ZNF831: variants seen among roughly 807,000 people sequenced by gnomAD.
ZNF831 encodes zinc finger protein 831.
ZNF831 carries 59 observed loss-of-function variants against 95.8 expected under a neutral mutation model. That is an observed-to-expected ratio of 0.62 (90% CI 0.50 to 0.77). The LOEUF (loss-of-function observed/expected upper bound fraction) is 0.77, where lower values mean the gene tolerates loss of function less well. Among genes scored for constraint, ZNF831 ranks in the 30% least tolerant of loss-of-function variants. The pLI is 0.00. For synonymous variants in ZNF831, 961 were observed against 925.5 expected (o/e 1.04, Z -0.70); for missense variants, 2,205 against 2,164.0 (o/e 1.02, Z -0.38).
intron 3 of ZNF831, 29 bp downstream of exon 3, chr20:59,196,034 C>G (rs1203724029): frequency 1.9e-6 from 3 of 1,607,588 alleles, no homozygotes; most frequent in African/African-American, 2.7e-5. Context: ...TCTGTCATTT[C>G]CACAAAACCC....
rs73135120 is a variant in ZNF831, at chr20:59,217,358, C to T, written c.4027+10302C>T. On this transcript the variant is annotated intron_variant, in intron 4 of 5. Coordinates refer to ENST00000371030, the MANE Select transcript of ZNF831 (RefSeq NM_178457.3). The surrounding 1 kb of genome is among the most constrained non-coding windows in gnomAD (Gnocchi z 4.4). Reference sequence around the variant, plus strand: ...ATACTCTTATTTATGAAGCCATTCTCCTATTAACGAAGAGTTTGGTCATCA... The same window carrying T: ...ATACTCTTATTTATGAAGCCATTCTTCTATTAACGAAGAGTTTGGTCATCA... Among the ~76,000 whole-genome samples, 1,258 of 152,348 alleles carry T rather than the reference C, an allele frequency of 8.3e-3. 7 individuals are homozygous for T. The highest frequency in any genetic ancestry group is 0.01 in the Non-Finnish European group (707 of 68,032).
intron 3 of ZNF831, among the ~76,000 whole-genome samples, chr20:59,204,863 G>C (rs896522975): frequency 2.6e-5 from 4 of 152,160 alleles, no homozygotes; most frequent in South Asian, 4.1e-4. Context: ...TGCTTCTCCA[G>C]GAGGGGCTGC....
At chr20:59,171,203 G>A (rs1281807023) in intron 1 of ZNF831, among the ~76,000 whole-genome samples, 2 of 152,166 alleles carry the variant, frequency 1.3e-5, no homozygotes, top group African/African-American at 2.4e-5. Context: ...TGGCCCTCTC[G>A]TGGGCCCCTC....
intron 1 of ZNF831, 123 bp from the exon 2 acceptor site, chr20:59,190,861 A>G (rs1983439822): frequency 1.2e-6 from 1 of 801,032 alleles, no homozygotes; most frequent in Non-Finnish European, 1.7e-6. Flanking sequence ...GGATGAGAGT[A>G]CATTCCTTAG....
intron 4 of ZNF831, among the ~76,000 whole-genome samples, chr20:59,251,254 C>A (rs1419968920): frequency 6.6e-6 from 1 of 152,130 alleles, no homozygotes; most frequent in East Asian, 1.9e-4. Flanking sequence ...AGTGCCCAGC[C>A]AATGAATGAA....
intron 2 of ZNF831, among the ~76,000 whole-genome samples, chr20:59,195,369 T>C (rs947639316): frequency 2.6e-5 from 4 of 152,202 alleles, no homozygotes; most frequent in African/African-American, 9.6e-5. Flanking sequence ...TGGAGTGGCT[T>C]GGGCCGCGGC....
At position 59,256,108 on chromosome 20, in the gene ZNF831, C is replaced by T. The variant is rs770739971; in HGVS notation, c.*1365C>T. ...CTTTGATGTAATGATGTTCATATGACATCTTGTACTTCAGAGACACAGCAG... is the reference window on the plus strand; with the variant it reads ...CTTTGATGTAATGATGTTCATATGATATCTTGTACTTCAGAGACACAGCAG... On this transcript the variant is annotated 3_prime_UTR_variant, in exon 6 of 6. Coordinates refer to ENST00000371030, the MANE Select transcript of ZNF831 (RefSeq NM_178457.3). 4.6e-5 allele frequency: 7 copies of T among 152,186 alleles called. No homozygotes were observed. The highest frequency in any genetic ancestry group is 7.3e-5 in the Non-Finnish European group (5 of 68,034). The allele number at this position is 152,186 out of a possible 1,614,324, so 9.4% of individuals were successfully genotyped here.
At chr20:59,154,722 C>A (rs1160294798) in intron 2 of ZNF831, among the ~76,000 whole-genome samples, 1 of 152,258 alleles carries the variant, frequency 6.6e-6, no homozygotes, top group African/African-American at 2.4e-5. Context: ...CATGAGCCTT[C>A]TGCTGGTTTC....
At chr20:59,129,073 A>G (rs952593199) in intron 1 of ZNF831, among the ~76,000 whole-genome samples, 5 of 152,186 alleles carry the variant, frequency 3.3e-5, no homozygotes, top group Non-Finnish European at 7.3e-5. Flanking sequence ...CTATTTTGAA[A>G]TAATTTTAGA....
At position 59,253,038 on chromosome 20, in the gene ZNF831, A is replaced by G. The variant is rs1182659947; in HGVS notation, c.4088A>G (p.Lys1363Arg). The change falls in exon 5 of 6, where the codon AAG becomes AGG. Residue 1363 changes from lysine (K) to arginine (R), a missense_variant. Physicochemically the swap from Lys to Arg is conservative, Grantham distance 26. Transcript: ENST00000371030. The part of the protein sequence containing the change: ...ATSESPPCCG[K>R]EEKKEGDCRQ... ...TCAGAATCACCTCCTTGTTGTGGGAAGGAAGAGAAGAAGGAAGGTGACTGC... is the reference window on the plus strand; with the variant it reads ...TCAGAATCACCTCCTTGTTGTGGGAGGGAAGAGAAGAAGGAAGGTGACTGC... 1 of 1,614,046 alleles carries G rather than the reference A, an allele frequency of 6.2e-7. No homozygotes were observed. The highest frequency in any genetic ancestry group is 8.5e-7 in the Non-Finnish European group (1 of 1,180,006).
intron 1 of ZNF831, among the ~76,000 whole-genome samples, chr20:59,126,690 G>A (rs375563370): frequency 1.1e-4 from 16 of 152,188 alleles, no homozygotes; most frequent in African/African-American, 3.6e-4. Flanking sequence ...CTGAGGCCAC[G>A]CACTCATAGT....
At chr20:59,209,813 G>A (rs1178446886) in intron 4 of ZNF831, among the ~76,000 whole-genome samples, 2 of 152,178 alleles carry the variant, frequency 1.3e-5, no homozygotes, top group Non-Finnish European at 1.5e-5. Context: ...TACGTCTTGT[G>A]GCCTCTGCCT....
chr20:59,163,756 T>C (rs1370797066), upstream of ZNF831, among the ~76,000 whole-genome samples: 1 of 151,880 alleles, frequency 6.6e-6, no homozygotes, highest in Non-Finnish European at 1.5e-5. Flanking sequence ...CTTCCTGTTT[T>C]CTAAGGGTTG....
chr20:59,237,162 G>T (rs1170267529), intron 4 of ZNF831, among the ~76,000 whole-genome samples: 2 of 152,154 alleles, frequency 1.3e-5, no homozygotes, highest in Non-Finnish European at 2.9e-5. Flanking sequence ...CTAGTTAGGG[G>T]GCCATTTGGG....
Position 59,194,728 on chromosome 20 carries a change from G to A in ZNF831, c.3709G>A (p.Gly1237Arg). Residue 1237 changes from glycine (G) to arginine (R), a missense_variant, in exon 2 of 6, where the codon GGA becomes AGA. Gly to Arg is a moderately radical substitution (Grantham distance 125). Transcript: ENST00000371030. ...TGGAGGATGGACCTGGACAAGCCCTGGAGAAGGAGGGCCGGCGCAGATGTC... is the reference window on the plus strand; with the variant it reads ...TGGAGGATGGACCTGGACAAGCCCTAGAGAAGGAGGGCCGGCGCAGATGTC... ...SNGGWTWTSP[G>R]EGGPAQMSKF... 1 of 1,581,100 alleles carries A rather than the reference G, an allele frequency of 6.3e-7. No individual in the cohort carries two copies. The highest frequency in any genetic ancestry group is 1.4e-5 in the African/African-American group (1 of 73,848).
intron 1 of ZNF831, among the ~76,000 whole-genome samples, chr20:59,140,774 C>T (rs957950502): frequency 6.6e-6 from 1 of 152,128 alleles, no homozygotes; most frequent in Non-Finnish European, 1.5e-5. Context: ...GCAGTGATAT[C>T]TTATCATGGT....
chr20:59,222,288 C>T (rs961477103), intron 4 of ZNF831, among the ~76,000 whole-genome samples: 1 of 152,132 alleles, frequency 6.6e-6, no homozygotes, highest in Admixed American at 6.5e-5. Context: ...GGTGCCCGGG[C>T]GGGCGGCGGG....
At chr20:59,200,742 CT>C (rs34023348) in intron 3 of ZNF831, among the ~76,000 whole-genome samples, 2 of 151,562 alleles carry the variant, frequency 1.3e-5, no homozygotes, top group Non-Finnish European at 2.9e-5. Context: ...TATATGCTCT[CT>C]TTTTTTTGCC....
intron 5 of ZNF831, 31 bp from the exon 6 acceptor site, chr20:59,253,867 C>CCT: frequency 8.8e-7 from 1 of 1,142,330 alleles, no homozygotes; most frequent in East Asian, 3.9e-5. Context: ...CCTCCCCCCC[C>CCT]ACTTTTTTTT....
Sources: gnomAD v4.1 joint callset for allele counts (sites outside exome capture counted in the v4.1 genomes callset) on GRCh38, gnomAD v4.1.1 for gene constraint, Gnocchi (gnomAD v3.1) non-coding constraint, MANE v1.5 for transcripts, NCBI Gene and HGNC (gene_info 2026-07-23, HGNC 2026-07-21) for gene names.